PHACTR3: variants seen among roughly 807,000 people sequenced by gnomAD.
The protein encoded by PHACTR3 is protein phosphatase 1, regulatory subunit 123.
A neutral mutation model predicts 66.8 loss-of-function variants in PHACTR3; 16 were observed. The ratio of observed to expected loss-of-function variants is 0.24; its 90% CI spans 0.16 to 0.36. The LOEUF (loss-of-function observed/expected upper bound fraction) is 0.36, where lower values mean the gene tolerates loss of function less well. Ranked by LOEUF, PHACTR3 falls within the 10% of genes least tolerant of loss-of-function variation. PHACTR3 has a pLI of 1.00. For synonymous variants in PHACTR3, 323 were observed against 292.1 expected (o/e 1.11, Z -1.08); for missense variants, 647 against 719.9 (o/e 0.90, Z 1.16).
chr20:59,742,650 G>A (rs183023696), intron 1 of PHACTR3, among the ~76,000 whole-genome samples: 114 of 152,288 alleles, frequency 7.5e-4, no homozygotes, highest in Middle Eastern at 3.4e-3. Context: ...CTTCATGGGC[G>A]TAAGACAAGG....
intron 1 of PHACTR3, among the ~76,000 whole-genome samples, chr20:59,597,115 G>A (rs2033348072): frequency 6.6e-6 from 1 of 152,178 alleles, no homozygotes; most frequent in Non-Finnish European, 1.5e-5. Context: ...AGAGGGATGA[G>A]CTGGAGCTGG....
At chr20:59,709,203 G>T (rs1264973165) in intron 1 of PHACTR3, among the ~76,000 whole-genome samples, 2 of 152,126 alleles carry the variant, frequency 1.3e-5, no homozygotes, top group East Asian at 3.9e-4. Flanking sequence ...AACTTTTTTG[G>T]TCCCAGTTGG....
chr20:59,773,487 G>T, intron 6 of PHACTR3, 34 bp downstream of exon 6: 1 of 1,556,312 alleles, frequency 6.4e-7, no homozygotes, highest in Non-Finnish European at 8.7e-7. Flanking sequence ...GACCTGTGCT[G>T]CCAGAATCCC....
At chr20:59,674,593 G>T (rs906708733) in intron 1 of PHACTR3, among the ~76,000 whole-genome samples, 1 of 18,348 alleles carries the variant, frequency 5.5e-5, no homozygotes, top group African/African-American at 7.2e-4. Flanking sequence ...CCCTTCTCCT[G>T]TCCCCGCTTC....
At chr20:59,641,962 C>A (rs1160016587) in intron 1 of PHACTR3, among the ~76,000 whole-genome samples, 1 of 152,200 alleles carries the variant, frequency 6.6e-6, no homozygotes, top group South Asian at 2.1e-4. Flanking sequence ...CTCACAAAAT[C>A]AGTCTCTGTC....
chr20:59,670,752 C>T (rs1456564238), intron 1 of PHACTR3, among the ~76,000 whole-genome samples: 3 of 152,198 alleles, frequency 2.0e-5, no homozygotes, highest in African/African-American at 7.2e-5. Flanking sequence ...GTGTTTACAG[C>T]CTGCTCCATG....
intron 8 of PHACTR3, among the ~76,000 whole-genome samples, chr20:59,827,305 A>C (rs1369219101): frequency 6.6e-6 from 1 of 152,078 alleles, no homozygotes; most frequent in Non-Finnish European, 1.5e-5. Context: ...ATTGGAGGCG[A>C]GACCCCTCCC....
At chr20:59,815,616 T>C (rs2041866354) in intron 8 of PHACTR3, among the ~76,000 whole-genome samples, 3 of 151,966 alleles carry the variant, frequency 2.0e-5, no homozygotes, top group Admixed American at 6.6e-5. Context: ...GTAGAAACAG[T>C]GTTTCACCAT....
Position 59,820,003 on chromosome 20 carries a change from G to A in PHACTR3, c.1328+13809G>A, listed in dbSNP as rs8122481. On this transcript the variant is annotated intron_variant, in intron 8 of 12. Transcript: ENST00000371015. This position sits in a 1 kb window ranked among gnomAD's most constrained non-coding sequence, Gnocchi z 4.6. ...TTTTTTTGATGCTGCAGATTTATCCGACTGACTTTCCCAGCCCTCCAGGGG... is the reference window on the plus strand; with the variant it reads ...TTTTTTTGATGCTGCAGATTTATCCAACTGACTTTCCCAGCCCTCCAGGGG... Among the ~76,000 whole-genome samples the A allele has an allele frequency of 6.6e-5, 10 of 152,298 alleles. No homozygotes were observed. In the East Asian group the frequency reaches 1.7e-3, roughly 26 times the overall value.
intron 1 of PHACTR3, among the ~76,000 whole-genome samples, chr20:59,687,149 T>C (rs1027453276): frequency 1.1e-4 from 16 of 150,948 alleles, no homozygotes; most frequent in African/African-American, 3.9e-4. Context: ...ACAGTGATGA[T>C]GACGATGGTG....
rs2039019188 is a variant in PHACTR3 at position 59,738,116 on chromosome 20, T to C, written c.119-4991T>C. 6.6e-6 allele frequency among the ~76,000 whole-genome samples: 1 copy of C among 151,794 alleles called. No homozygotes were observed. On this transcript the variant is annotated intron_variant, in intron 1 of 12. Transcript: ENST00000371015. The surrounding 1 kb of genome is among the most constrained non-coding windows in gnomAD (Gnocchi z 4.4). ...GCCCACCTTCCACCAGTGGAAGCAG[T>C]CACATAGCCACAGCAAGAAGGAGAC...
intron 4 of PHACTR3, among the ~76,000 whole-genome samples, chr20:59,765,903 T>C (rs1287446862): frequency 6.6e-6 from 1 of 152,216 alleles, no homozygotes; most frequent in Non-Finnish European, 1.5e-5. Flanking sequence ...TCGTGTGTTC[T>C]TCATTGGGTA....
At chr20:59,593,512 G>C (rs996043381) in intron 1 of PHACTR3, among the ~76,000 whole-genome samples, 1 of 151,804 alleles carries the variant, frequency 6.6e-6, no homozygotes, top group Non-Finnish European at 1.5e-5. Context: ...ATGAAGTCCA[G>C]TATATCAATT....
intron 1 of PHACTR3, chr20:59,626,993 A>G (rs1405283822): frequency 6.6e-6 from 1 of 152,258 alleles, no homozygotes; most frequent in Non-Finnish European, 1.5e-5. Flanking sequence ...GCAAATGTAC[A>G]TATCAGCTCC....
intron 1 of PHACTR3, among the ~76,000 whole-genome samples, chr20:59,606,751 G>A (rs2033684601): frequency 6.6e-6 from 1 of 152,146 alleles, no homozygotes; most frequent in African/African-American, 2.4e-5. Flanking sequence ...GGAGCGGAGG[G>A]TTGGGCAGGT....
At chr20:59,821,220 G>A (rs1354670257) in intron 8 of PHACTR3, among the ~76,000 whole-genome samples, 1 of 152,194 alleles carries the variant, frequency 6.6e-6, no homozygotes, top group African/African-American at 2.4e-5. Context: ...GAGCTGAGAT[G>A]TGACCCAGGT....
At chr20:59,592,820 C>T (rs757768869) in intron 1 of PHACTR3, among the ~76,000 whole-genome samples, 1 of 149,748 alleles carries the variant, frequency 6.7e-6, no homozygotes, top group Non-Finnish European at 1.5e-5. Flanking sequence ...AATTTCTTGG[C>T]TTTATAGTTC....
intron 1 of PHACTR3, among the ~76,000 whole-genome samples, chr20:59,633,084 C>T (rs1283832925): frequency 6.6e-6 from 1 of 152,174 alleles, no homozygotes; most frequent in Non-Finnish European, 1.5e-5. Context: ...TACCCATGGC[C>T]TCTGCTTCTG....
At chr20:59,605,158 G>C in intron 1 of PHACTR3, 26 bp downstream of exon 1, 1 of 1,275,890 alleles carries the variant, frequency 7.8e-7, no homozygotes, top group Non-Finnish European at 1.0e-6. Context: ...GGGGCGGCGG[G>C]CGGGTCGGGG....
Sources: gnomAD v4.1 joint callset for allele counts (sites outside exome capture counted in the v4.1 genomes callset) on GRCh38, gnomAD v4.1.1 for gene constraint, Gnocchi (gnomAD v3.1) non-coding constraint, MANE v1.5 for transcripts, NCBI Gene and HGNC (gene_info 2026-07-23, HGNC 2026-07-21) for gene names.